Variants in IFT74 observed in about 807,000 individuals in gnomAD.
The protein encoded by IFT74 is intraflagellar transport 74.
IFT74 carries 92 observed loss-of-function variants against 96.7 expected under a neutral mutation model. The ratio of observed to expected loss-of-function variants is 0.95; its 90% CI spans 0.80 to 1.13. IFT74 has a LOEUF of 1.13. Ranked by LOEUF, IFT74 falls within the 50% of genes most tolerant of loss-of-function variation. The pLI is 0.00. For synonymous variants in IFT74, 223 were observed against 213.2 expected, an observed-to-expected ratio of 1.05 and a Z score of -0.40; for missense variants, 811 against 698.2, an observed-to-expected ratio of 1.16 and a Z score of -1.82.
chr9:27,013,514 T>C (rs1175505914), intron 10 of IFT74, among the ~76,000 whole-genome samples: 1 of 152,252 alleles, frequency 6.6e-6, no homozygotes, highest in Admixed American at 6.5e-5. Flanking sequence ...CAACTTTTAC[T>C]TCTAGATGTA....
At chr9:27,039,098 TATGGGCACC>T (rs1234186092) in intron 13 of IFT74, among the ~76,000 whole-genome samples, 1 of 152,216 alleles carries the variant, frequency 6.6e-6, no homozygotes, top group Admixed American at 6.5e-5. Context: ...CACCTCACCA[TATGGGCACC>T]ATGGGCACCA....
intron 1 of IFT74, 42 bp from the exon 2 acceptor site, chr9:26,961,907 A>G: frequency 2.5e-6 from 4 of 1,597,006 alleles, no homozygotes; most frequent in Non-Finnish European, 3.4e-6. Context: ...GTCTTGCTAG[A>G]GAAGACATCA....
chr9:27,060,729 C>A, intron 19 of IFT74, 78 bp downstream of exon 19: 1 of 964,938 alleles, frequency 1.0e-6, no homozygotes, highest in Non-Finnish European at 1.6e-6. Context: ...GAGGCCGAGG[C>A]AGGTGGGCCA....
At chr9:26,949,594 C>CA (rs1825870371) in intron 1 of IFT74, among the ~76,000 whole-genome samples, 1 of 152,034 alleles carries the variant, frequency 6.6e-6, no homozygotes, top group Non-Finnish European at 1.5e-5. Flanking sequence ...TGCTGCCTTC[C>CA]AAAAAACCAA....
chr9:27,024,974 TAA>T (rs753094409), intron 12 of IFT74, among the ~76,000 whole-genome samples: 7 of 130,804 alleles, frequency 5.4e-5, no homozygotes, highest in South Asian at 2.5e-4. Context: ...AAAAAAGAAT[TAA>T]AAAAAAAAAA....
intron 12 of IFT74, among the ~76,000 whole-genome samples, chr9:27,025,408 A>G (rs1241137147): frequency 7.0e-6 from 1 of 143,154 alleles, no homozygotes; most frequent in East Asian, 2.0e-4. Context: ...ATGCCACTGC[A>G]TTCCATCCTG....
intron 4 of IFT74, chr9:26,983,696 T>C (rs1374698284): frequency 6.6e-6 from 1 of 152,202 alleles, no homozygotes; most frequent in African/African-American, 2.4e-5. Flanking sequence ...TGGTTCTATT[T>C]CATCTTTCTT....
intron 17 of IFT74, 136 bp downstream of exon 17, chr9:27,055,908 T>G (rs1820139577): frequency 3.4e-6 from 2 of 590,216 alleles, no homozygotes; most frequent in Middle Eastern, 4.8e-4. Context: ...AAAATAAAAA[T>G]GTTTACATAT....
chr9:27,035,939 G>A (rs1017722040), intron 13 of IFT74, among the ~76,000 whole-genome samples: 6 of 152,270 alleles, frequency 3.9e-5, no homozygotes, highest in South Asian at 2.1e-4. Flanking sequence ...AAAAATCCAT[G>A]TATAACTTTT....
At chr9:27,004,619 A>C (rs1235457517) in intron 8 of IFT74, among the ~76,000 whole-genome samples, 1 of 152,230 alleles carries the variant, frequency 6.6e-6, no homozygotes, top group East Asian at 1.9e-4. Flanking sequence ...TCCATCAGTC[A>C]GTTTAGCCTG....
At chr9:27,010,493 T>C (rs574199600) in intron 9 of IFT74, among the ~76,000 whole-genome samples, 3 of 148,516 alleles carry the variant, frequency 2.0e-5, no homozygotes, top group African/African-American at 7.4e-5. Context: ...TTGTTTTTTT[T>C]TTTTTGTTTT....
intron 2 of IFT74, among the ~76,000 whole-genome samples, chr9:26,964,726 A>G (rs1826529590): frequency 6.6e-6 from 1 of 152,180 alleles, no homozygotes; most frequent in Non-Finnish European, 1.5e-5. Context: ...AATATTATAA[A>G]ACTATTCTAA....
intron 10 of IFT74, among the ~76,000 whole-genome samples, chr9:27,015,497 C>T (rs1587358000): frequency 6.6e-6 from 1 of 152,072 alleles, no homozygotes; most frequent in Non-Finnish European, 1.5e-5. Flanking sequence ...ATTAGCTGGG[C>T]GTGGTGGCAG....
chr9:26,961,934 A>T lies in IFT74; in HGVS notation c.-19-15A>T, dbSNP rs919970008. On this transcript the variant is annotated splice_polypyrimidine_tract_variant and intron_variant, in intron 1 of 19. Transcript: ENST00000380062. ...AAGACATCAAAGGATTGAACTATTT[A>T]TTGTTTCCAAACAGCGATTAAAGTG... 6.2e-7 allele frequency: 1 copy of T among 1,613,642 alleles called. No individual in the cohort carries two copies.
intron 16 of IFT74, among the ~76,000 whole-genome samples, chr9:27,051,757 CT>C (rs1564004052): frequency 6.6e-6 from 1 of 152,074 alleles, no homozygotes; most frequent in Non-Finnish European, 1.5e-5. Context: ...GAAGGATTTT[CT>C]TTTTTAAGGT....
chr9:26,982,340 T>C (rs1240169080), intron 4 of IFT74: 1 of 444,506 alleles, frequency 2.2e-6, no homozygotes, highest in East Asian at 7.5e-5. Context: ...CTCACGTCAC[T>C]GCAACTTCCA....
At chr9:27,036,189 T>A (rs547440053) in intron 13 of IFT74, among the ~76,000 whole-genome samples, 15 of 152,276 alleles carry the variant, frequency 9.9e-5, no homozygotes, top group Non-Finnish European at 1.5e-4. Flanking sequence ...TTGAGTAGAC[T>A]GAGGAAGAGG....
chr9:26,972,678 G>A (rs1010242853), intron 2 of IFT74, among the ~76,000 whole-genome samples: 1 of 152,070 alleles, frequency 6.6e-6, no homozygotes, highest in African/African-American at 2.4e-5. Flanking sequence ...TCCATACACA[G>A]CAATATCCAA....
At chr9:26,994,871 A>G (rs1828062370) in intron 8 of IFT74, 1 of 152,552 alleles carries the variant, frequency 6.6e-6, no homozygotes, top group Admixed American at 6.6e-5. Flanking sequence ...TATGACATTA[A>G]ACTGTAGTGA....
Sources: gnomAD v4.1 joint callset for allele counts (sites outside exome capture counted in the v4.1 genomes callset) on GRCh38, gnomAD v4.1.1 for gene constraint, MANE v1.5 for transcripts, NCBI Gene and HGNC (gene_info 2026-07-23, HGNC 2026-07-21) for gene names.